AHCYL1: variants seen among roughly 807,000 people sequenced by gnomAD.
The protein encoded by AHCYL1 is S-adenosylhomocysteine hydrolase-like protein 1.
AHCYL1 carries 20 observed loss-of-function variants against 79.3 expected under a neutral mutation model. That is an observed-to-expected ratio of 0.25 (90% CI 0.18 to 0.37). The LOEUF is 0.37. Among genes scored for constraint, AHCYL1 ranks in the 10% least tolerant of loss-of-function variants. The pLI, the probability that AHCYL1 is intolerant of heterozygous loss-of-function variation, is 1.00. For missense variants in AHCYL1, 330 were observed against 673.6 expected, an observed-to-expected ratio of 0.49 and a Z score of 5.65; for synonymous variants, 223 against 242.2, an observed-to-expected ratio of 0.92 and a Z score of 0.74.
At position 110,017,308 on chromosome 1, in the gene AHCYL1, C is replaced by T. The variant is rs531075932; in HGVS notation, c.964-187C>T. Among the ~76,000 whole-genome samples, 8 of 152,266 alleles carry T rather than the reference C, an allele frequency of 5.3e-5. No individual in the cohort carries two copies. In the South Asian group the frequency reaches 1.5e-3, roughly 28 times the overall value. On this transcript the variant is annotated intron_variant, in intron 9 of 16. Transcript: ENST00000369799. ...ATGACATGTCTGCTAAATTACCTCT[C>T]TAACTGAGGTTCACAACGTAATCTG...
At chr1:110,004,657 CCTATAGTCCTAGCTA>C (rs1358105649) in intron 1 of AHCYL1, among the ~76,000 whole-genome samples, 2 of 151,974 alleles carry the variant, frequency 1.3e-5, no homozygotes, top group Non-Finnish European at 2.9e-5. Context: ...GTGGTGTGGG[CCTATAGTCCTAGCTA>C]CTCAGGAGGT....
chr1:109,984,991 G>A lies in AHCYL1; in HGVS notation c.-62G>A, dbSNP rs1649384389. 3 of 1,396,350 alleles carry A rather than the reference G, an allele frequency of 2.1e-6. No homozygotes were observed. Among genetic ancestry groups the A allele is most frequent in the Non-Finnish European group, 2.8e-6 (3 of 1,076,008 alleles). The allele number at this position is 1,396,350 out of a possible 1,614,324, so 86.5% of individuals were successfully genotyped here. On this transcript the variant is annotated 5_prime_UTR_variant, in exon 1 of 17. Coordinates refer to ENST00000369799, the MANE Select transcript of AHCYL1 (RefSeq NM_006621.7). ...GAGGGCGCCGCGCGGGCAGGCGGGC[G>A]GGCGCCAGAGGGGGAAAGAGGCGGG...
intron 12 of AHCYL1, 39 bp from the exon 13 acceptor site, chr1:110,018,513 C>A (rs754882743): frequency 6.2e-7 from 1 of 1,613,882 alleles, no homozygotes; most frequent in Admixed American, 1.7e-5. Context: ...TACTACCTTT[C>A]ATTAATAACC....
At chr1:110,003,286 A>G (rs780648317) in intron 1 of AHCYL1, among the ~76,000 whole-genome samples, 28 of 152,182 alleles carry the variant, frequency 1.8e-4, no homozygotes, top group Non-Finnish European at 3.2e-4. Flanking sequence ...GGTAATGTTC[A>G]TGTTTGCAAC....
At chr1:110,003,485 C>T (rs1035379741) in intron 1 of AHCYL1, among the ~76,000 whole-genome samples, 1 of 151,354 alleles carries the variant, frequency 6.6e-6, no homozygotes, top group African/African-American at 2.4e-5. Flanking sequence ...TAAAGTACAA[C>T]AATGGTGCTA....
intron 6 of AHCYL1, 54 bp from the exon 7 acceptor site, chr1:110,015,371 C>T: frequency 7.0e-6 from 10 of 1,437,400 alleles, no homozygotes; most frequent in Admixed American, 5.1e-5. Context: ...GTTCAAAGTT[C>T]CCCCCAGCCC....
intron 1 of AHCYL1, among the ~76,000 whole-genome samples, chr1:109,992,082 G>A (rs891569883): frequency 2.1e-5 from 3 of 140,100 alleles, no homozygotes; most frequent in Admixed American, 6.8e-5. Context: ...ATCTGGGGGC[G>A]GGGGGAAGAA....
intron 1 of AHCYL1, among the ~76,000 whole-genome samples, chr1:110,000,164 A>G (rs921077483): frequency 6.6e-6 from 1 of 152,236 alleles, no homozygotes; most frequent in Non-Finnish European, 1.5e-5. Context: ...TGAAATAACC[A>G]GCGAATTTCC....
At chr1:109,990,967 T>C (rs973021004) in intron 1 of AHCYL1, among the ~76,000 whole-genome samples, 1 of 152,224 alleles carries the variant, frequency 6.6e-6, no homozygotes, top group Non-Finnish European at 1.5e-5. Flanking sequence ...CTCATTGCTC[T>C]TAACAGCCTG....
Position 110,021,805 on chromosome 1 carries a change from T to G in AHCYL1, c.*125T>G, listed in dbSNP as rs1651822826. On this transcript the variant is annotated 3_prime_UTR_variant, in exon 17 of 17. Transcript: ENST00000369799. Reference sequence around the variant, plus strand: ...TTTTTTCCTATAATTTCATTCTTGTTTTTTCATCTCATTATCCAAGTTCTG... The same window carrying G: ...TTTTTTCCTATAATTTCATTCTTGTGTTTTCATCTCATTATCCAAGTTCTG... 2.8e-6 allele frequency: 3 copies of G among 1,080,460 alleles called. No individual in the cohort carries two copies. Among genetic ancestry groups the G allele is most frequent in the Non-Finnish European group, 4.0e-6 (3 of 750,620 alleles). 66.9% of individuals were successfully genotyped at this position (1,080,460 alleles called of 1,614,324 possible).
At chr1:110,007,790 C>T (rs961122199) in intron 1 of AHCYL1, among the ~76,000 whole-genome samples, 13 of 152,158 alleles carry the variant, frequency 8.5e-5, no homozygotes, top group Admixed American at 2.6e-4. Flanking sequence ...CATACTCAAA[C>T]CATCCTGCTT....
rs752659106 is a variant in AHCYL1, at chr1:110,017,994, C to T, written c.1101C>T (p.Val367=). The T allele has an allele frequency of 6.8e-6, 11 of 1,614,006 alleles. No individual in the cohort carries two copies. The East Asian group carries it at 1.3e-4, about 20-fold the overall frequency. Residue 367 remains valine, a synonymous_variant, in exon 11 of 17, where the codon GTC becomes GTT. Coordinates refer to ENST00000369799, the MANE Select transcript of AHCYL1 (RefSeq NM_006621.7). The part of the protein sequence containing the change: ...VVKLNEVIRQ[V]DVVITCTGNK... ...AGCTAAATGAAGTCATCCGGCAAGT[C>T]GATGTCGTAATAACTTGCACAGGTA...
At chr1:109,998,855 AATT>A (rs1650160500) in intron 1 of AHCYL1, among the ~76,000 whole-genome samples, 1 of 152,172 alleles carries the variant, frequency 6.6e-6, no homozygotes, top group Admixed American at 6.5e-5. Flanking sequence ...ATTAAGGTAT[AATT>A]GACAAGTGAA....
intron 1 of AHCYL1, among the ~76,000 whole-genome samples, chr1:110,001,789 A>G (rs1187920992): frequency 6.6e-6 from 1 of 152,238 alleles, no homozygotes; most frequent in Admixed American, 6.5e-5. Flanking sequence ...TTATATGTCA[A>G]AATCAAAGAG....
intron 2 of AHCYL1, among the ~76,000 whole-genome samples, chr1:110,010,125 G>C (rs1650927985): frequency 1.3e-5 from 2 of 152,174 alleles, no homozygotes; most frequent in Non-Finnish European, 2.9e-5. Flanking sequence ...AAAATTAATT[G>C]TGAAAAATTG....
intron 14 of AHCYL1, 60 bp from the exon 15 acceptor site, chr1:110,019,488 T>G: frequency 1.4e-6 from 2 of 1,478,018 alleles, no homozygotes; most frequent in South Asian, 2.5e-5. Context: ...CCTGGTTTTA[T>G]TTTTATGTGC....
chr1:109,993,110 C>A (rs553332833), intron 1 of AHCYL1, among the ~76,000 whole-genome samples: 1 of 152,304 alleles, frequency 6.6e-6, no homozygotes, highest in South Asian at 2.1e-4. Context: ...TTCGAACCGG[C>A]ATTTCGGCCA....
chr1:109,999,704 A>AAT (rs575816799), intron 1 of AHCYL1, among the ~76,000 whole-genome samples: 2 of 148,106 alleles, frequency 1.4e-5, no homozygotes, highest in East Asian at 2.0e-4. Flanking sequence ...CAATGGTAAA[A>AAT]TTTTTTTTTT....
At chr1:110,013,620 G>A (rs1265896777) in intron 5 of AHCYL1, among the ~76,000 whole-genome samples, 1 of 151,814 alleles carries the variant, frequency 6.6e-6, no homozygotes, top group Non-Finnish European at 1.5e-5. Context: ...TGAGGTAGGA[G>A]AACCACTTGA....
Sources: gnomAD v4.1 joint callset for allele counts (sites outside exome capture counted in the v4.1 genomes callset) on GRCh38, gnomAD v4.1.1 for gene constraint, MANE v1.5 for transcripts, NCBI Gene and HGNC (gene_info 2026-07-23, HGNC 2026-07-21) for gene names.